The following CMSS1 variants were observed in gnomAD, a reference collection of about 807,000 sequenced individuals.
The protein encoded by CMSS1 is cms1 ribosomal small subunit homolog.
A neutral mutation model predicts 43.5 loss-of-function variants in CMSS1; 33 were observed. That is an observed-to-expected ratio of 0.76 (90% confidence interval 0.57 to 1.01). The LOEUF (loss-of-function observed/expected upper bound fraction) is 1.01, where lower values mean the gene tolerates loss of function less well. Among genes scored for constraint, CMSS1 ranks in the 50% least tolerant of loss-of-function variants. The probability of loss-of-function intolerance (pLI) is 0.00; values close to 1 mark genes in which losing one functional copy is unlikely to be tolerated. For missense variants in CMSS1, 313 were observed against 326.4 expected (o/e 0.96, Z 0.32); for synonymous variants, 115 against 117.2 (o/e 0.98, Z 0.12).
At chr3:100,169,553 AGTT>A (rs1240085665) in intron 6 of CMSS1, among the ~76,000 whole-genome samples, 2 of 152,282 alleles carry the variant, frequency 1.3e-5, no homozygotes, top group Non-Finnish European at 2.9e-5. Context: ...TTAGAAAAGT[AGTT>A]GTTAAACTGA....
intron 1 of CMSS1, among the ~76,000 whole-genome samples, chr3:99,933,550 A>G (rs1707559068): frequency 6.6e-6 from 1 of 152,176 alleles, no homozygotes; most frequent in South Asian, 2.1e-4. Context: ...AATTATACAT[A>G]AACAGGATTT....
intron 1 of CMSS1, among the ~76,000 whole-genome samples, chr3:100,007,783 T>C (rs1277471925): frequency 6.6e-6 from 1 of 152,058 alleles, no homozygotes; most frequent in African/African-American, 2.4e-5. Flanking sequence ...ATAGAAAAAA[T>C]ATATTAGTTA....
intron 1 of CMSS1, among the ~76,000 whole-genome samples, chr3:99,920,738 A>G (rs1477127283): frequency 6.6e-6 from 1 of 152,148 alleles, no homozygotes; most frequent in Non-Finnish European, 1.5e-5. Context: ...TTTTGGCCTG[A>G]GCTCAATGTG....
intron 1 of CMSS1, among the ~76,000 whole-genome samples, chr3:99,854,636 C>T (rs1037140609): frequency 7.9e-5 from 12 of 151,632 alleles, no homozygotes. Flanking sequence ...TTAGCAGCAT[C>T]CCTTTGTTGT....
intron 2 of CMSS1, among the ~76,000 whole-genome samples, chr3:100,156,133 T>C (rs931620447): frequency 6.6e-6 from 1 of 151,942 alleles, no homozygotes; most frequent in Admixed American, 6.6e-5. Context: ...CTTTGATGAC[T>C]CCTTTTTAGA....
chr3:99,981,925 C>T (rs879851624), intron 1 of CMSS1, among the ~76,000 whole-genome samples: 9 of 152,112 alleles, frequency 5.9e-5, no homozygotes, highest in Non-Finnish European at 1.2e-4. Flanking sequence ...CAGGAATTCA[C>T]GACCAGCCTG....
intron 5 of CMSS1, among the ~76,000 whole-genome samples, chr3:100,166,853 C>A (rs1385362844): frequency 6.6e-6 from 1 of 152,146 alleles, no homozygotes; most frequent in East Asian, 1.9e-4. Context: ...ATCCTCCTGT[C>A]TCAGCCTCCC....
In CMSS1 at chr3:99,938,050, A is replaced by AGTGTGTGTGT. The variant is rs71625545; in HGVS notation, c.64+120023_64+120032dup. Among the ~76,000 whole-genome samples, 549 of 148,970 alleles carry AGTGTGTGTGT rather than the reference A, an allele frequency of 3.7e-3. 6 individuals are homozygous for AGTGTGTGTGT. Among genetic ancestry groups the AGTGTGTGTGT allele is most frequent in the African/African-American group, 0.013 (536 of 40,366 alleles). ...ACTGGTGCCTGCAAAAGGCTCAGGA[A>AGTGTGTGTGT]GTGTGTGTGTGTGTGTGTGTGTGTG... is the stretch of plus-strand genomic sequence containing the variant. On this transcript the variant is annotated intron_variant, in intron 1 of 9. Coordinates refer to ENST00000421999, the MANE Select transcript of CMSS1 (RefSeq NM_032359.4).
At chr3:99,919,159 C>T (rs181675314) in intron 1 of CMSS1, among the ~76,000 whole-genome samples, 5 of 152,010 alleles carry the variant, frequency 3.3e-5, no homozygotes, top group Admixed American at 6.5e-5. Flanking sequence ...CTTAATGGCA[C>T]GATATTGAAT....
chr3:100,032,578 AT>A (rs1346635005), intron 1 of CMSS1, among the ~76,000 whole-genome samples: 4 of 152,238 alleles, frequency 2.6e-5, no homozygotes, highest in Non-Finnish European at 5.9e-5. Flanking sequence ...CAGAAAATGC[AT>A]TTTGTATCAC....
intron 1 of CMSS1, among the ~76,000 whole-genome samples, chr3:100,062,364 G>T (rs1466872150): frequency 6.6e-6 from 1 of 151,898 alleles, no homozygotes; most frequent in Non-Finnish European, 1.5e-5. Context: ...ACCCGTCTCG[G>T]CCTCTCAAAG....
chr3:100,058,293 T>C (rs1237500854), intron 1 of CMSS1, among the ~76,000 whole-genome samples: 1 of 152,248 alleles, frequency 6.6e-6, no homozygotes, highest in African/African-American at 2.4e-5. Flanking sequence ...TTGGAGATTT[T>C]AGAAACTGTG....
intron 1 of CMSS1, among the ~76,000 whole-genome samples, chr3:99,845,492 A>G (rs1218275310): frequency 1.3e-5 from 2 of 152,088 alleles, no homozygotes; most frequent in Non-Finnish European, 2.9e-5. Context: ...CCACCCCCAC[A>G]TATTTCATAT....
chr3:99,937,104 T>G (rs754901251), intron 1 of CMSS1, among the ~76,000 whole-genome samples: 1 of 151,856 alleles, frequency 6.6e-6, no homozygotes, highest in African/African-American at 2.4e-5. Flanking sequence ...TGTGGCTAAT[T>G]TTTTTGTATT....
chr3:99,859,400 A>G (rs1944131683), intron 1 of CMSS1, among the ~76,000 whole-genome samples: 1 of 152,250 alleles, frequency 6.6e-6, no homozygotes, highest in East Asian at 1.9e-4. Context: ...TGTTTGAAAC[A>G]GTGTAACAGT....
chr3:99,877,424 T>G (rs1338633575), intron 1 of CMSS1, among the ~76,000 whole-genome samples: 1 of 152,180 alleles, frequency 6.6e-6, no homozygotes, highest in East Asian at 1.9e-4. Flanking sequence ...GGAATAAAGA[T>G]GCAGGGCACA....
chr3:99,887,191 CAGG>C (rs1335813229), intron 1 of CMSS1, among the ~76,000 whole-genome samples: 1 of 151,738 alleles, frequency 6.6e-6, no homozygotes, highest in Admixed American at 6.6e-5. Context: ...CACTTGAACC[CAGG>C]AGGAGGAGGT....
intron 1 of CMSS1, among the ~76,000 whole-genome samples, chr3:100,034,202 G>T (rs986077582): frequency 3.3e-5 from 5 of 152,120 alleles, no homozygotes; most frequent in African/African-American, 1.2e-4. Flanking sequence ...GCACAAGACT[G>T]GTTTTTCTAG....
intron 1 of CMSS1, among the ~76,000 whole-genome samples, chr3:99,905,409 G>A (rs995106789): frequency 5.9e-5 from 9 of 152,062 alleles, no homozygotes; most frequent in Non-Finnish European, 1.2e-4. Flanking sequence ...GCTCTTACTA[G>A]GACTAATCTT....
Sources: gnomAD v4.1 joint callset for allele counts (sites outside exome capture counted in the v4.1 genomes callset) on GRCh38, gnomAD v4.1.1 for gene constraint, MANE v1.5 for transcripts, NCBI Gene and HGNC (gene_info 2026-07-23, HGNC 2026-07-21) for gene names.